Variants in IQGAP2 observed in about 807,000 individuals in gnomAD.
IQGAP2 encodes the protein ras GTPase-activating-like protein IQGAP2.
Under a neutral mutation model 201.3 loss-of-function variants are expected in IQGAP2, and 173 were observed. The ratio of observed to expected loss-of-function variants is 0.86; its 90% CI spans 0.76 to 0.98. The LOEUF is 0.98. IQGAP2 is among the 50% of genes least tolerant of loss of function. IQGAP2 has a pLI of 0.00. For missense variants in IQGAP2, 1,687 were observed against 1,864.8 expected, an observed-to-expected ratio of 0.90 and a Z score of 1.76; for synonymous variants, 675 against 673.9, an observed-to-expected ratio of 1.00 and a Z score of -0.03.
intron 9 of IQGAP2, among the ~76,000 whole-genome samples, chr5:76,596,715 A>G (rs1350691208): frequency 1.3e-5 from 2 of 152,190 alleles, no homozygotes; most frequent in Admixed American, 1.3e-4. Context: ...AGCGTTACAC[A>G]CTTAACCGTA....
chr5:76,663,454 C>T (rs1461600964), intron 21 of IQGAP2, among the ~76,000 whole-genome samples: 2 of 139,630 alleles, frequency 1.4e-5, no homozygotes, highest in Admixed American at 7.2e-5. Flanking sequence ...GGGAGGTGTT[C>T]TAGAACAGCG....
At chr5:76,463,610 A>G (rs545743295) in intron 2 of IQGAP2, among the ~76,000 whole-genome samples, 1 of 152,294 alleles carries the variant, frequency 6.6e-6, no homozygotes, top group African/African-American at 2.4e-5. Context: ...AAAGCTTGTC[A>G]TCTTCTCTAG....
intron 1 of IQGAP2, among the ~76,000 whole-genome samples, chr5:76,438,008 G>GTTTTTTTTTTTTTTTTTTTTTTTTTT (rs768892670): frequency 3.3e-5 from 3 of 91,062 alleles, no homozygotes; most frequent in Middle Eastern, 6.6e-3. Context: ...TTGGTCTGTA[G>GTTTTTTTTTTTTTTTTTTTTTTTTTT]TTTTTTTTTT....
chr5:76,518,475 G>T (rs2150191249), intron 2 of IQGAP2, among the ~76,000 whole-genome samples: 1 of 152,246 alleles, frequency 6.6e-6, no homozygotes, highest in South Asian at 2.1e-4. Flanking sequence ...TTGCCCCCAT[G>T]ATTCAATTAC....
At position 76,550,893 on chromosome 5, in the gene IQGAP2, G is replaced by A. The variant is rs561304584; in HGVS notation, c.147-11503G>A. Among the ~76,000 whole-genome samples the A allele has an allele frequency of 1.7e-3, 256 of 152,268 alleles. 1 individual carries two copies. Among genetic ancestry groups the A allele is most frequent in the African/African-American group, 6.0e-3 (248 of 41,564 alleles). ...ACACCTCCTAGACGGGGTGGCGGCC[G>A]GGCAGAGGGGCTCCTCACTTCCCAC... On this transcript the variant is annotated intron_variant, in intron 2 of 35. Coordinates refer to ENST00000274364, the MANE Select transcript of IQGAP2 (RefSeq NM_006633.5).
chr5:76,702,691 A>AGAAAACCAGTACCAGCCTTATTTGCC, intron 35 of IQGAP2, 101 bp downstream of exon 35: 1 of 603,516 alleles, frequency 1.7e-6, no homozygotes, highest in South Asian at 2.3e-5. Flanking sequence ...AAAGTTTAAC[A>AGAAAACCAGTACCAGCCTTATTTGCC]GAAAACCAGT....
At position 76,693,712 on chromosome 5, in the gene IQGAP2, G is replaced by A. The variant is rs189924416; in HGVS notation, c.3993+270G>A. On this transcript the variant is annotated intron_variant, in intron 31 of 35. Coordinates refer to ENST00000274364, the MANE Select transcript of IQGAP2 (RefSeq NM_006633.5). The stretch of plus-strand genomic sequence containing the variant: ...GATAGTTCTGGGTTTTTCAAAGCCC[G>A]GAAATGTTCATCATAATGGGCAAAT... The A allele has an allele frequency of 2.6e-3, 736 of 282,326 alleles. 9 individuals carry two copies. The highest frequency in any genetic ancestry group is 1.8e-3 in the Non-Finnish European group (267 of 150,758). The allele number at this position is 282,326 out of a possible 1,614,324, so 17.5% of individuals were successfully genotyped here.
intron 2 of IQGAP2, among the ~76,000 whole-genome samples, chr5:76,550,666 G>T (rs573572065): frequency 6.6e-6 from 1 of 152,156 alleles, no homozygotes; most frequent in African/African-American, 2.4e-5. Flanking sequence ...GCACGGGGTT[G>T]GGGGTAGGGT....
chr5:76,594,823 A>G (rs1049814975), intron 9 of IQGAP2, among the ~76,000 whole-genome samples: 10 of 152,046 alleles, frequency 6.6e-5, no homozygotes, highest in Non-Finnish European at 1.5e-4. Flanking sequence ...AAAGTCAGCC[A>G]GGCGTGGTGG....
At chr5:76,586,869 C>A (rs1746283461) in intron 5 of IQGAP2, among the ~76,000 whole-genome samples, 1 of 152,230 alleles carries the variant, frequency 6.6e-6, no homozygotes, top group South Asian at 2.1e-4. Flanking sequence ...CCCCAAGATA[C>A]AACTTTGCTG....
chr5:76,447,017 C>A (rs1461813770), intron 1 of IQGAP2, among the ~76,000 whole-genome samples: 1 of 152,188 alleles, frequency 6.6e-6, no homozygotes, highest in Non-Finnish European at 1.5e-5. Context: ...ATTTTGCGAC[C>A]AGTTTCCAGA....
At chr5:76,404,076 G>T (rs1210344537) in intron 1 of IQGAP2, among the ~76,000 whole-genome samples, 1 of 152,172 alleles carries the variant, frequency 6.6e-6, no homozygotes, top group Admixed American at 6.5e-5. Flanking sequence ...TGACTGGAAG[G>T]GCGGGAGTCT....
At chr5:76,614,274 C>T (rs1041015846) in intron 13 of IQGAP2, among the ~76,000 whole-genome samples, 3 of 152,172 alleles carry the variant, frequency 2.0e-5, no homozygotes, top group Non-Finnish European at 2.9e-5. Flanking sequence ...GTCAGGCATC[C>T]TTTCTAGGTG....
intron 2 of IQGAP2, among the ~76,000 whole-genome samples, chr5:76,550,967 G>A (rs1456456445): frequency 1.3e-5 from 2 of 151,052 alleles, no homozygotes; most frequent in African/African-American, 2.4e-5. Context: ...CGGATGGGGC[G>A]ACTGGCCGGG....
chr5:76,474,738 T>C (rs1317236410), intron 2 of IQGAP2, among the ~76,000 whole-genome samples: 2 of 152,182 alleles, frequency 1.3e-5, no homozygotes, highest in African/African-American at 4.8e-5. Context: ...GATGCTTGTG[T>C]GAGTGCAGGC....
intron 2 of IQGAP2, among the ~76,000 whole-genome samples, chr5:76,520,516 CA>C (rs1303991205): frequency 3.3e-5 from 5 of 151,968 alleles, no homozygotes; most frequent in African/African-American, 9.7e-5. Flanking sequence ...TTTGTTTTTT[CA>C]AAATTATTTT....
chr5:76,596,327 A>G (rs996463113), intron 9 of IQGAP2, among the ~76,000 whole-genome samples: 2 of 152,144 alleles, frequency 1.3e-5, no homozygotes, highest in Admixed American at 6.5e-5. Flanking sequence ...AAACTCTGCA[A>G]TCTCTGTCTG....
In IQGAP2 at chr5:76,496,767, T is replaced by TTTTCTTTCTTTC. The variant is rs1561416631; in HGVS notation, c.146+35099_146+35100insTTCTTTCTTTCT. Among the ~76,000 whole-genome samples, 427 of 121,078 alleles carry TTTTCTTTCTTTC rather than the reference T, an allele frequency of 3.5e-3. 9 individuals carry two copies. The highest frequency in any genetic ancestry group is 0.016 in the African/African-American group (392 of 25,202). 79.4% of individuals were successfully genotyped at this position (121,078 alleles called of 152,430 possible). ...TTTCTTTCTTTCTTTCTTTCTTTCTTTCTTTCTTTCTTTCTTTCTTTCTTT... is the reference window on the plus strand; with the variant it reads ...TTTCTTTCTTTCTTTCTTTCTTTCTTTTTCTTTCTTTCTCTTTCTTTCTTTCTTTCTTTCTTT... On this transcript the variant is annotated intron_variant, in intron 2 of 35. Coordinates refer to ENST00000274364, the MANE Select transcript of IQGAP2 (RefSeq NM_006633.5).
At chr5:76,627,069 T>C (rs1466911782) in intron 13 of IQGAP2, among the ~76,000 whole-genome samples, 1 of 152,118 alleles carries the variant, frequency 6.6e-6, no homozygotes, top group African/African-American at 2.4e-5. Context: ...AGAGGAGTGG[T>C]GCACTGAGCT....
Sources: gnomAD v4.1 joint callset for allele counts (sites outside exome capture counted in the v4.1 genomes callset) on GRCh38, gnomAD v4.1.1 for gene constraint, MANE v1.5 for transcripts, NCBI Gene and HGNC (gene_info 2026-07-23, HGNC 2026-07-21) for gene names.